Variants in RUVBL2 observed in about 807,000 individuals in gnomAD.
The protein encoded by RUVBL2 is RuvB like AAA ATPase 2, also known as ruvB-like 2.
A neutral mutation model predicts 57.9 loss-of-function variants in RUVBL2; 9 were observed. That is an observed-to-expected ratio of 0.16 (90% CI 0.09 to 0.27). RUVBL2 has a LOEUF of 0.27. Ranked by LOEUF, RUVBL2 falls within the 10% of genes least tolerant of loss-of-function variation. The probability of loss-of-function intolerance (pLI) is 1.00; values close to 1 mark genes in which losing one functional copy is unlikely to be tolerated. For missense variants in RUVBL2, 456 were observed against 669.6 expected (o/e 0.68, Z 3.52); for synonymous variants, 278 against 264.6 (o/e 1.05, Z -0.49).
intron 1 of RUVBL2, among the ~76,000 whole-genome samples, chr19:48,995,417 C>T (rs575701019): frequency 4.6e-5 from 7 of 150,604 alleles, no homozygotes; most frequent in Non-Finnish European, 7.4e-5. Flanking sequence ...CTATAGGAGA[C>T]GGTAGGTGGG....
chr19:49,014,707 C>T, intron 12 of RUVBL2, 104 bp downstream of exon 12: 1 of 1,474,428 alleles, frequency 6.8e-7, no homozygotes, highest in Non-Finnish European at 9.2e-7. Flanking sequence ...GTGGCTGGGC[C>T]TACAGGAGAG....
chr19:48,993,939 T>C lies in RUVBL2; in HGVS notation c.12+16T>C, dbSNP rs756989615. 6.2e-7 allele frequency: 1 copy of C among 1,613,304 alleles called. No homozygotes were observed. Among genetic ancestry groups the C allele is most frequent in the Non-Finnish European group, 8.5e-7 (1 of 1,179,796 alleles). On this transcript the variant is annotated intron_variant, in intron 1 of 14. Coordinates refer to ENST00000595090, the MANE Select transcript of RUVBL2 (RefSeq NM_006666.3). The stretch of plus-strand genomic sequence containing the variant: ...GGCAACCGTTGTAAGTGTGGGTGCA[T>C]GGAGGGTGAGGAGCGAGCTAGCAGT...
chr19:49,010,880 C>A, intron 9 of RUVBL2, 119 bp from the exon 10 acceptor site: 1 of 984,764 alleles, frequency 1.0e-6, no homozygotes, highest in East Asian at 2.6e-5. Flanking sequence ...CTCCTCATCC[C>A]TCCTTGCTTT....
At chr19:49,010,722 T>C (rs1016090855) in intron 9 of RUVBL2, 111 bp downstream of exon 9, 3 of 1,459,342 alleles carry the variant, frequency 2.1e-6, no homozygotes, top group East Asian at 2.4e-5. Context: ...CCACGCTGTT[T>C]CCTGTAACTC....
At chr19:48,998,519 A>C (rs2122581033) in intron 1 of RUVBL2, among the ~76,000 whole-genome samples, 1 of 151,586 alleles carries the variant, frequency 6.6e-6, no homozygotes, top group South Asian at 2.1e-4. Flanking sequence ...ACCCCAGTAG[A>C]GATGGGCGAA....
At chr19:49,009,227 T>C (rs1263506641) in intron 6 of RUVBL2, among the ~76,000 whole-genome samples, 1 of 124,824 alleles carries the variant, frequency 8.0e-6, no homozygotes, top group Non-Finnish European at 1.6e-5. Flanking sequence ...AGTAGCTCAC[T>C]CCTGTAATCC....
At chr19:49,010,910 T>C (rs2039411080) in intron 9 of RUVBL2, 89 bp from the exon 10 acceptor site, 2 of 1,184,694 alleles carry the variant, frequency 1.7e-6, no homozygotes, top group South Asian at 1.3e-5. Flanking sequence ...CCTCCATCCC[T>C]GGCATCATCC....
Position 49,015,280 on chromosome 19 carries a change from G to A in RUVBL2, c.1251+130G>A, listed in dbSNP as rs1004650145. 16 of 1,311,212 alleles carry A rather than the reference G, an allele frequency of 1.2e-5. No homozygotes were observed. The East Asian group carries it at 3.8e-4, about 31-fold the overall frequency. The allele number at this position is 1,311,212 out of a possible 1,614,324, so 81.2% of individuals were successfully genotyped here. A position where few individuals can be genotyped will look rare whatever the true frequency, so the allele number is the denominator to read the frequency against. Reference sequence around the variant, plus strand: ...GACGCAGGGAATTTTCATCCCTCAGGTTGGCTTCTGTATCATCCAGCCTGG... The same window carrying A: ...GACGCAGGGAATTTTCATCCCTCAGATTGGCTTCTGTATCATCCAGCCTGG... On this transcript the variant is annotated intron_variant, in intron 13 of 14. Transcript: ENST00000595090.
intron 8 of RUVBL2, 21 bp from the exon 9 acceptor site, chr19:49,010,467 T>TCCGC: frequency 1.1e-5 from 16 of 1,401,176 alleles, no homozygotes; most frequent in Non-Finnish European, 1.5e-5. Context: ...CCGCCGTTCT[T>TCCGC]CCCCCACCCC....
At chr19:49,003,413 T>G (rs1002238618) in intron 3 of RUVBL2, 79 bp downstream of exon 3, 17 of 1,322,416 alleles carry the variant, frequency 1.3e-5, no homozygotes, top group Non-Finnish European at 1.6e-5. Flanking sequence ...CTGGGGAGTG[T>G]GGGGACTATG....
chr19:48,996,444 G>A (rs2039061471), intron 1 of RUVBL2, among the ~76,000 whole-genome samples: 2 of 150,782 alleles, frequency 1.3e-5, no homozygotes, highest in African/African-American at 4.9e-5. Context: ...TCCTGCCTCA[G>A]CCTCCTGAGT....
intron 11 of RUVBL2, among the ~76,000 whole-genome samples, chr19:49,014,000 A>T (rs538340616): frequency 2.6e-5 from 4 of 152,362 alleles, no homozygotes; most frequent in East Asian, 1.9e-4. Context: ...AAAATACTGT[A>T]AGCCGAGGCT....
At position 49,007,353 on chromosome 19, in the gene RUVBL2, A is replaced by C; in HGVS notation, c.447A>C (p.Arg149=). ...EGEVVEIQID[R]PATGTGSKVG... is the part of the protein sequence containing the mutation. ...AGGTGGTGGAGATCCAGATTGATCG[A>C]CCAGCAACAGGGACGGTGAGTCTGT... The change falls in exon 6 of 15, where the codon CGA becomes CGC. Residue 149 remains arginine, a synonymous_variant. Coordinates refer to ENST00000595090, the MANE Select transcript of RUVBL2 (RefSeq NM_006666.3). 1.2e-6 allele frequency: 2 copies of C among 1,613,990 alleles called. No homozygotes were observed. Among genetic ancestry groups the C allele is most frequent in the East Asian group, 2.2e-5 (1 of 44,876 alleles).
chr19:49,010,480 C>CCCCCCCCCCCCCA lies in RUVBL2; in HGVS notation c.664-5_664-4insCCCCCCCCCACCC. The CCCCCCCCCCCCCA allele has an allele frequency of 6.3e-7, 1 of 1,598,806 alleles. No homozygotes were observed. Among genetic ancestry groups the CCCCCCCCCCCCCA allele is most frequent in the Non-Finnish European group, 8.6e-7 (1 of 1,167,784 alleles). ...CTCCGCCGTTCTTCCCCCACCCCCG[C>CCCCCCCCCCCCCA]CCCATAGACCAAGTTCGTGCAGTGC... On this transcript the variant is annotated splice_polypyrimidine_tract_variant and splice_region_variant and intron_variant, in intron 8 of 14. Coordinates refer to ENST00000595090, the MANE Select transcript of RUVBL2 (RefSeq NM_006666.3).
chr19:49,015,216 T>C, intron 13 of RUVBL2, 66 bp downstream of exon 13: 1 of 1,567,692 alleles, frequency 6.4e-7, no homozygotes, highest in East Asian at 2.4e-5. Flanking sequence ...CTTCAGGGGC[T>C]TCCAGGGTTC....
At chr19:49,003,951 C>T (rs78643999) in intron 3 of RUVBL2, among the ~76,000 whole-genome samples, 1,884 of 151,314 alleles carry the variant, frequency 0.012, 33 homozygotes, top group African/African-American at 0.044. Context: ...CTCCTTTCTA[C>T]AAAAAATTTT....
rs764860251 is a variant in RUVBL2 at position 49,015,968 on chromosome 19, A to G, written c.*126A>G. The G allele has an allele frequency of 2.5e-6, 4 of 1,614,186 alleles. No individual in the cohort carries two copies. The South Asian group carries it at 3.3e-5, about 13-fold the overall frequency. ...GTGGTTGCCCTGAGCCCACAGAAAG[A>G]CACCTCCAGAGTGCGGATTGAGAAG... On this transcript the variant is annotated 3_prime_UTR_variant, in exon 15 of 15. Transcript: ENST00000595090.
Position 49,004,333 on chromosome 19 carries a change from G to C in RUVBL2, c.180G>C (p.Leu60=), listed in dbSNP as rs1433951965. The change falls in exon 4 of 15, where the codon CTG becomes CTC. Residue 60 remains leucine, a synonymous_variant. Coordinates refer to ENST00000595090, the MANE Select transcript of RUVBL2 (RefSeq NM_006666.3). The part of the protein sequence containing the change: ...LAARRAAGVV[L]EMIREGKIAG... ...CACGGCGGGCGGCTGGCGTGGTGCTGGAGATGATCCGGGAAGGGAAGATTG... is the reference window on the plus strand; with the variant it reads ...CACGGCGGGCGGCTGGCGTGGTGCTCGAGATGATCCGGGAAGGGAAGATTG... 11 of 1,611,958 alleles carry C rather than the reference G, an allele frequency of 6.8e-6. No individual in the cohort carries two copies. Among genetic ancestry groups the C allele is most frequent in the Non-Finnish European group, 9.3e-6 (11 of 1,179,826 alleles).
intron 2 of RUVBL2, 116 bp downstream of exon 2, chr19:48,999,489 C>T: frequency 2.0e-6 from 2 of 1,008,120 alleles, no homozygotes; most frequent in Non-Finnish European, 3.1e-6. Context: ...ACCAACTGTG[C>T]CCCCACTACC....
Sources: gnomAD v4.1 joint callset for allele counts (sites outside exome capture counted in the v4.1 genomes callset) on GRCh38, gnomAD v4.1.1 for gene constraint, MANE v1.5 for transcripts, NCBI Gene and HGNC (gene_info 2026-07-23, HGNC 2026-07-21) for gene names.